EHBP1: variants seen among roughly 807,000 people sequenced by gnomAD.
The protein encoded by EHBP1 is EH domain binding protein 1, also known as EH domain-binding protein 1.
A neutral mutation model predicts 144.0 loss-of-function variants in EHBP1; 55 were observed. The ratio of observed to expected loss-of-function variants is 0.38; its 90% CI spans 0.31 to 0.48. The LOEUF is 0.48. EHBP1 is among the 20% of genes least tolerant of loss of function. The probability of loss-of-function intolerance (pLI) is 0.98; values close to 1 mark genes in which losing one functional copy is unlikely to be tolerated. For synonymous variants in EHBP1, 469 were observed against 472.7 expected (o/e 0.99, Z 0.10); for missense variants, 1,200 against 1,364.2 (o/e 0.88, Z 1.90).
intron 19 of EHBP1, among the ~76,000 whole-genome samples, chr2:63,008,745 A>T (rs2060150379): frequency 6.6e-6 from 1 of 151,544 alleles, no homozygotes; most frequent in South Asian, 2.1e-4. Flanking sequence ...TAAAGTAATA[A>T]ACCAGAAATA....
At chr2:62,798,078 A>G (rs2043671192) in intron 5 of EHBP1, among the ~76,000 whole-genome samples, 1 of 152,206 alleles carries the variant, frequency 6.6e-6, no homozygotes, top group African/African-American at 2.4e-5. Flanking sequence ...TTTCACAGAA[A>G]AATAAAGGCC....
At chr2:62,759,824 CT>C (rs1425756826) in intron 3 of EHBP1, among the ~76,000 whole-genome samples, 2 of 152,132 alleles carry the variant, frequency 1.3e-5, no homozygotes, top group African/African-American at 4.8e-5. Flanking sequence ...ACTTGTCATT[CT>C]TTTTCTAGGT....
At chr2:62,746,591 T>C (rs1474850564) in intron 2 of EHBP1, among the ~76,000 whole-genome samples, 1 of 152,072 alleles carries the variant, frequency 6.6e-6, no homozygotes, top group Non-Finnish European at 1.5e-5. Flanking sequence ...AATCATAATC[T>C]TGATGTTTTT....
At chr2:62,981,601 A>G (rs75791741) in intron 15 of EHBP1, among the ~76,000 whole-genome samples, 3 of 152,200 alleles carry the variant, frequency 2.0e-5, no homozygotes, top group Admixed American at 6.5e-5. Flanking sequence ...TAATCCAACT[A>G]CACTTGAGGC....
intron 14 of EHBP1, among the ~76,000 whole-genome samples, chr2:62,978,012 A>T (rs1299764558): frequency 1.3e-5 from 2 of 152,094 alleles, no homozygotes; most frequent in East Asian, 3.9e-4. Flanking sequence ...TGATACAAAC[A>T]ATTCTGTATG....
chr2:63,032,730 G>A (rs2061310711), intron 19 of EHBP1, among the ~76,000 whole-genome samples: 1 of 152,084 alleles, frequency 6.6e-6, no homozygotes, highest in Non-Finnish European at 1.5e-5. Flanking sequence ...GCCTCCTCCT[G>A]TAGAAAGTCC....
chr2:62,732,398 G>C (rs1019389249), intron 2 of EHBP1, among the ~76,000 whole-genome samples: 39 of 152,072 alleles, frequency 2.6e-4, no homozygotes, highest in African/African-American at 9.2e-4. Context: ...GTTTGGATCT[G>C]TGTCCCCACC....
Position 63,018,273 on chromosome 2 carries a change from C to G in EHBP1, c.3104-19262C>G, listed in dbSNP as rs2060567397. Among the ~76,000 whole-genome samples the G allele has an allele frequency of 2.6e-5, 4 of 152,198 alleles. No individual in the cohort carries two copies. In the South Asian group the frequency reaches 8.3e-4, roughly 32 times the overall value. On this transcript the variant is annotated intron_variant, in intron 19 of 22. Coordinates refer to ENST00000431489, the MANE Select transcript of EHBP1 (RefSeq NM_001142616.3). ...AACTGGTAATTTAATTCTTGTCTTTCTATAGTTTTTTTCTGTAGTTACAAG... is the reference window on the plus strand; with the variant it reads ...AACTGGTAATTTAATTCTTGTCTTTGTATAGTTTTTTTCTGTAGTTACAAG...
At chr2:62,839,356 C>A (rs1401540183) in intron 7 of EHBP1, among the ~76,000 whole-genome samples, 2 of 137,470 alleles carry the variant, frequency 1.5e-5, no homozygotes, top group Admixed American at 7.5e-5. Context: ...ATAATAAGAG[C>A]TATCTATGAC....
At chr2:63,030,317 C>A (rs903194968) in intron 19 of EHBP1, among the ~76,000 whole-genome samples, 1 of 152,048 alleles carries the variant, frequency 6.6e-6, no homozygotes, top group African/African-American at 2.4e-5. Flanking sequence ...ACCCCATTCT[C>A]CCAATGACAA....
At chr2:62,675,066 G>A (rs1455158995) in intron 1 of EHBP1, among the ~76,000 whole-genome samples, 1 of 152,202 alleles carries the variant, frequency 6.6e-6, no homozygotes, top group Non-Finnish European at 1.5e-5. Context: ...GAACAGAAGA[G>A]AGTGAACATT....
At chr2:62,766,862 A>G (rs2041229703) in intron 4 of EHBP1, among the ~76,000 whole-genome samples, 1 of 151,844 alleles carries the variant, frequency 6.6e-6, no homozygotes, top group Non-Finnish European at 1.5e-5. Context: ...GGCAAGGACA[A>G]CTGTCTTTGA....
chr2:62,886,304 A>G (rs2051923552), intron 10 of EHBP1, among the ~76,000 whole-genome samples: 1 of 152,262 alleles, frequency 6.6e-6, no homozygotes, highest in African/African-American at 2.4e-5. Flanking sequence ...AAATTATAAA[A>G]AGGATGAGAA....
Position 62,826,252 on chromosome 2 carries a change from A to G in EHBP1, c.478A>G (p.Arg160Gly). Reference protein sequence around the residue: ...LQFSLSCIFLREGKATDEDMQ... With the variant: ...LQFSLSCIFLGEGKATDEDMQ... ...GTTTTCATTATCTTGCATTTTTCTG[A>G]GGGAAGGAAAAGCCACGTAAGTTTC... The change falls in exon 6 of 23, where the codon AGG (arginine) becomes GGG (glycine). Residue 160 changes from arginine (R) to glycine (G), a missense_variant. Arg to Gly is a moderately radical substitution (Grantham distance 125, BLOSUM62 -2). Transcript: ENST00000431489. 1 of 1,600,576 alleles carries G rather than the reference A, an allele frequency of 6.2e-7. No homozygotes were observed. The highest frequency in any genetic ancestry group is 1.1e-5 in the South Asian group (1 of 88,352).
chr2:62,713,042 A>G (rs1481397710), intron 2 of EHBP1, among the ~76,000 whole-genome samples: 1 of 152,164 alleles, frequency 6.6e-6, no homozygotes, highest in East Asian at 1.9e-4. Flanking sequence ...CCTTCCAGGT[A>G]TTCCTATTCC....
chr2:62,695,851 C>T (rs1239890420), intron 1 of EHBP1, among the ~76,000 whole-genome samples: 1 of 151,446 alleles, frequency 6.6e-6, no homozygotes, highest in South Asian at 2.1e-4. Context: ...TAGCTGGGAC[C>T]ACAGGCGTGT....
rs1157397512 is a variant in EHBP1, at chr2:62,957,641, C to CT, written c.2460+2003dup. On this transcript the variant is annotated intron_variant, in intron 14 of 22. Coordinates refer to ENST00000431489, the MANE Select transcript of EHBP1 (RefSeq NM_001142616.3). ...TAAAATTAATATTTGAAAATAAATG[C>CT]TTTTTTTTTTTTTTTTTTTTTTGAG... Among the ~76,000 whole-genome samples, 378 of 87,132 alleles carry CT rather than the reference C, an allele frequency of 4.3e-3. 13 individuals carry two copies. The highest frequency in any genetic ancestry group is 5.1e-3 in the Admixed American group (30 of 5,940). 57.2% of individuals were successfully genotyped at this position (87,132 alleles called of 152,430 possible).
intron 2 of EHBP1, among the ~76,000 whole-genome samples, chr2:62,719,769 A>G (rs1397644534): frequency 6.6e-6 from 1 of 152,212 alleles, no homozygotes; most frequent in Admixed American, 6.5e-5. Context: ...GATGACTTTA[A>G]AGTATACAGG....
intron 16 of EHBP1, among the ~76,000 whole-genome samples, chr2:62,992,420 T>G (rs1246584568): frequency 6.6e-6 from 1 of 152,170 alleles, no homozygotes; most frequent in East Asian, 1.9e-4. Context: ...TAAAATTGGT[T>G]TTGCTTTCCA....
Sources: gnomAD v4.1 joint callset for allele counts (sites outside exome capture counted in the v4.1 genomes callset) on GRCh38, gnomAD v4.1.1 for gene constraint, MANE v1.5 for transcripts, NCBI Gene and HGNC (gene_info 2026-07-23, HGNC 2026-07-21) for gene names.